KIAA1958: variants seen among roughly 807,000 people sequenced by gnomAD.
KIAA1958 encodes the protein uncharacterized protein KIAA1958.
KIAA1958 carries 14 observed loss-of-function variants against 47.2 expected under a neutral mutation model. That is an observed-to-expected ratio of 0.30 (90% CI 0.20 to 0.46). The LOEUF is 0.46. Ranked by LOEUF, KIAA1958 falls within the 20% of genes least tolerant of loss-of-function variation. KIAA1958 has a pLI of 1.00. For synonymous variants in KIAA1958, 354 were observed against 353.3 expected (o/e 1.00, Z -0.02); for missense variants, 803 against 909.2 (o/e 0.88, Z 1.50).
intron 1 of KIAA1958, among the ~76,000 whole-genome samples, chr9:112,533,788 C>T (rs1834808221): frequency 6.6e-6 from 1 of 152,018 alleles, no homozygotes; most frequent in Non-Finnish European, 1.5e-5. Context: ...ATGAGAACAG[C>T]ATGGGGGAAA....
At chr9:112,645,446 CT>C (rs1189561859) in intron 2 of KIAA1958, among the ~76,000 whole-genome samples, 2 of 152,178 alleles carry the variant, frequency 1.3e-5, no homozygotes, top group Non-Finnish European at 2.9e-5. Context: ...TGCAAGCTTA[CT>C]GCATTGATTC....
intron 1 of KIAA1958, among the ~76,000 whole-genome samples, chr9:112,550,513 TA>T (rs1835122639): frequency 6.6e-6 from 1 of 152,174 alleles, no homozygotes; most frequent in South Asian, 2.1e-4. Context: ...TGTGATTCAC[TA>T]AAAGGACTCA....
In KIAA1958 at chr9:112,659,756, G is replaced by A. The variant is rs1468058493; in HGVS notation, c.1838G>A (p.Cys613Tyr). The A allele has an allele frequency of 6.2e-7, 1 of 1,614,056 alleles. No homozygotes were observed. Among genetic ancestry groups the A allele is most frequent in the Admixed American group, 1.7e-5 (1 of 59,994 alleles). Residue 613 changes from cysteine to tyrosine, a missense_variant, in exon 4 of 4, where the codon TGT becomes TAT. Cys to Tyr is a radical substitution (Grantham distance 194, BLOSUM62 -2). This residue lies in a region of KIAA1958 where 761 missense variants were observed against 829.3 expected (regional missense o/e 0.92). Coordinates refer to ENST00000337530, the MANE Select transcript of KIAA1958 (RefSeq NM_133465.4). ...RESRSGSTRV[C>Y]HGKIYHEHSR... ...AGTCGGAGCGGCTCCACCAGAGTGT[G>A]TCACGGGAAGATCTACCATGAGCAT...
intron 2 of KIAA1958, among the ~76,000 whole-genome samples, chr9:112,606,604 TTTATG>T (rs1836240061): frequency 6.6e-6 from 1 of 152,202 alleles, no homozygotes; most frequent in Non-Finnish European, 1.5e-5. Flanking sequence ...TATATCTTCT[TTTATG>T]TTGAGAAAAT....
intron 2 of KIAA1958, among the ~76,000 whole-genome samples, chr9:112,578,637 A>C (rs1835689186): frequency 1.3e-5 from 2 of 152,186 alleles, no homozygotes; most frequent in Admixed American, 1.3e-4. Flanking sequence ...AGCTGAACTC[A>C]TAAAATTATA....
intron 2 of KIAA1958, among the ~76,000 whole-genome samples, chr9:112,575,797 G>A (rs560763073): frequency 6.6e-6 from 1 of 152,206 alleles, no homozygotes; most frequent in African/African-American, 2.4e-5. Context: ...AAATTTAAAA[G>A]AATATGGAAA....
intron 1 of KIAA1958, among the ~76,000 whole-genome samples, chr9:112,526,779 A>G (rs1834665147): frequency 6.6e-6 from 1 of 152,252 alleles, no homozygotes; most frequent in Non-Finnish European, 1.5e-5. Flanking sequence ...TAAAGGTCCC[A>G]GCTGTTAATA....
chr9:112,567,628 T>C (rs1477192670), intron 1 of KIAA1958, among the ~76,000 whole-genome samples: 1 of 151,772 alleles, frequency 6.6e-6, no homozygotes, highest in Non-Finnish European at 1.5e-5. Flanking sequence ...ATCCCTAAAG[T>C]CTAAAATCCT....
At chr9:112,515,894 T>TAAAAAAAAAAAAAAAAAAAAAAA (rs58492221) in intron 1 of KIAA1958, among the ~76,000 whole-genome samples, 7 of 97,098 alleles carry the variant, frequency 7.2e-5, no homozygotes, top group East Asian at 2.9e-4. Context: ...AAAAATAAAT[T>TAAAAAAAAAAAAAAAAAAAAAAA]AAAAAAAAAA....
In KIAA1958 at chr9:112,556,281, A is replaced by G. The variant is rs1221711428; in HGVS notation, c.-24-17776A>G. ...TTGACTCAGCTTTCGGTTTCTCTCT[A>G]CCACGCCTCCATACCCAGGGCAAAG... On this transcript the variant is annotated intron_variant, in intron 1 of 3. Transcript: ENST00000337530. Among the ~76,000 whole-genome samples, 7 of 152,104 alleles carry G rather than the reference A, an allele frequency of 4.6e-5. No homozygotes were observed. In the East Asian group the frequency reaches 1.2e-3, roughly 25 times the overall value.
In KIAA1958 at chr9:112,574,127, T is replaced by C; in HGVS notation, c.47T>C (p.Val16Ala). ...HTSSENLSKL[V>A]SWAHSHGTIC... Reference sequence around the variant, plus strand: ...TCATCTGAGAATCTGTCCAAATTGGTCAGCTGGGCCCATAGCCATGGGACT... The same window carrying C: ...TCATCTGAGAATCTGTCCAAATTGGCCAGCTGGGCCCATAGCCATGGGACT... The change falls in exon 2 of 4, where the codon GTC (valine) becomes GCC (alanine). Residue 16 changes from valine to alanine, a missense_variant. Transcript: ENST00000337530. The C allele has an allele frequency of 6.2e-7, 1 of 1,610,656 alleles. No individual in the cohort carries two copies. The highest frequency in any genetic ancestry group is 8.5e-7 in the Non-Finnish European group (1 of 1,177,860).
chr9:112,487,946 C>CGTGCGTGTGTGT (rs1833896171), intron 1 of KIAA1958, among the ~76,000 whole-genome samples: 1 of 145,734 alleles, frequency 6.9e-6, no homozygotes, highest in South Asian at 2.2e-4. Flanking sequence ...AGTGTGTGTG[C>CGTGCGTGTGTGT]GTGTGTGTGT....
chr9:112,529,999 A>G (rs1834726443), intron 1 of KIAA1958, among the ~76,000 whole-genome samples: 1 of 151,924 alleles, frequency 6.6e-6, no homozygotes, highest in Admixed American at 6.6e-5. Flanking sequence ...GCCCGCCACC[A>G]CGCCCAGCTA....
chr9:112,597,224 G>C (rs148968871), intron 2 of KIAA1958, among the ~76,000 whole-genome samples: 1 of 152,144 alleles, frequency 6.6e-6, no homozygotes, highest in Non-Finnish European at 1.5e-5. Flanking sequence ...TTGGCTCTCT[G>C]TGATTACTAC....
intron 1 of KIAA1958, among the ~76,000 whole-genome samples, chr9:112,501,663 GA>G (rs772977503): frequency 6.6e-6 from 1 of 152,168 alleles, no homozygotes; most frequent in East Asian, 1.9e-4. Flanking sequence ...CTGTGGCGTA[GA>G]GAGACGGGAA....
intron 1 of KIAA1958, among the ~76,000 whole-genome samples, chr9:112,571,097 G>A (rs1312727320): frequency 1.3e-5 from 2 of 152,136 alleles, no homozygotes; most frequent in South Asian, 2.1e-4. Flanking sequence ...ATATTCAGGC[G>A]AGATCTTCAC....
chr9:112,534,020 G>GAGTC (rs1368742282), intron 1 of KIAA1958, among the ~76,000 whole-genome samples: 1 of 152,154 alleles, frequency 6.6e-6, no homozygotes, highest in African/African-American at 2.4e-5. Context: ...CAGAGCCTTG[G>GAGTC]AGTCATTGGC....
intron 2 of KIAA1958, among the ~76,000 whole-genome samples, chr9:112,631,553 AAAAG>A (rs1411656488): frequency 9.9e-5 from 15 of 151,676 alleles, no homozygotes; most frequent in Admixed American, 8.6e-4. Context: ...AAAAAAAAAA[AAAAG>A]GAAGTAAAAC....
At position 112,623,364 on chromosome 9, in the gene KIAA1958, G is replaced by A. The variant is rs148992114; in HGVS notation, c.1172-22286G>A. ...GAAATCCAGAAAAGTCAAATGGCTT[G>A]CCCATGTCACAGTTAATATGTAAGA... is the stretch of plus-strand genomic sequence containing the variant. On this transcript the variant is annotated intron_variant, in intron 2 of 3. Transcript: ENST00000337530. Among the ~76,000 whole-genome samples the A allele has an allele frequency of 2.4e-4, 36 of 152,256 alleles. No homozygotes were observed. In the East Asian group the frequency reaches 4.8e-3, roughly 20 times the overall value.
Sources: allele counts gnomAD v4.1 joint callset (sites outside exome capture counted in the v4.1 genomes callset), GRCh38; gene constraint gnomAD v4.1.1; regional missense constraint gnomAD v4.1.1; transcripts MANE v1.5; gene names NCBI Gene and HGNC (gene_info 2026-07-23, HGNC 2026-07-21).